Variants in CPT2 observed in about 807,000 individuals in gnomAD.
CPT2 encodes carnitine O-palmitoyltransferase 2, mitochondrial.
A neutral mutation model predicts 48.6 loss-of-function variants in CPT2; 37 were observed. That is an observed-to-expected ratio of 0.76 (90% CI 0.59 to 1.00). CPT2 has a LOEUF of 1.00. Among genes scored for constraint, CPT2 ranks in the 50% least tolerant of loss-of-function variants. CPT2 has a pLI of 0.00. For synonymous variants in CPT2, 319 were observed against 326.9 expected (o/e 0.98, Z 0.26); for missense variants, 772 against 825.6 (o/e 0.94, Z 0.80).
In CPT2 at chr1:53,209,995, T is replaced by G; in HGVS notation, c.341-20T>G. ...GACAGCATTAACATTTTATGTTATT[T>G]TTTTCTTTTTATTTTTTAGGACCCT... On this transcript the variant is annotated intron_variant, in intron 3 of 4. Transcript: ENST00000371486. The G allele has an allele frequency of 6.3e-7, 1 of 1,599,204 alleles. No individual in the cohort carries two copies. Among genetic ancestry groups the G allele is most frequent in the Non-Finnish European group, 8.6e-7 (1 of 1,166,852 alleles).
At chr1:53,209,817 T>C in intron 3 of CPT2, 198 bp from the exon 4 acceptor site, 1 of 611,536 alleles carries the variant, frequency 1.6e-6, no homozygotes, top group East Asian at 2.8e-5. Context: ...TGATAGAAGC[T>C]AAATGCAAAA....
intron 1 of CPT2, 120 bp from the exon 2 acceptor site, chr1:53,200,599 T>G (rs1645348337): frequency 7.3e-6 from 6 of 817,044 alleles, no homozygotes; most frequent in African/African-American, 1.7e-5. Flanking sequence ...TGTCAGTCGC[T>G]TCTGATTATT....
Position 53,211,046 on chromosome 1 carries a change from A to C in CPT2, c.1372A>C (p.Lys458Gln), listed in dbSNP as rs147276580. 1.6e-4 allele frequency: 265 copies of C among 1,614,204 alleles called. 1 individual carries two copies. In the African/African-American group the frequency reaches 2.6e-3, roughly 16 times the overall value. The change falls in exon 4 of 5, where the codon AAG becomes CAG. Residue 458 changes from lysine (K) to glutamine (Q), a missense_variant. Lys to Gln is a moderately conservative substitution (Grantham distance 53, BLOSUM62 1). Transcript: ENST00000371486. ...GAGAGGAGGCAAAGAATTCCTGAAGAAGCAAAAGCTGAGCCCTGACGCAGT... is the reference window on the plus strand; with the variant it reads ...GAGAGGAGGCAAAGAATTCCTGAAGCAGCAAAAGCTGAGCCCTGACGCAGT... Reference protein sequence around the residue: ...FQRGGKEFLKKQKLSPDAVAQ... With the variant: ...FQRGGKEFLKQQKLSPDAVAQ...
chr1:53,199,533 C>A (rs1287572185), intron 1 of CPT2, among the ~76,000 whole-genome samples: 1 of 152,126 alleles, frequency 6.6e-6, no homozygotes. Context: ...AATCAAATTG[C>A]CATTGTCTCT....
intron 2 of CPT2, 190 bp downstream of exon 2, chr1:53,200,989 C>A: frequency 1.5e-6 from 1 of 649,872 alleles, no homozygotes; most frequent in Non-Finnish European, 2.8e-6. Flanking sequence ...CCCGAGAGTT[C>A]CTCTAAACAG....
At position 53,210,488 on chromosome 1, in the gene CPT2, C is replaced by T; in HGVS notation, c.814C>T (p.His272Tyr). The T allele has an allele frequency of 6.2e-7, 1 of 1,614,110 alleles. No individual in the cohort carries two copies. The change falls in exon 4 of 5, where the codon CAT (histidine) becomes TAT (tyrosine). Residue 272 changes from histidine (H) to tyrosine (Y), a missense_variant. By Grantham distance (83) the His-to-Tyr change is moderately conservative (BLOSUM62 2). Coordinates refer to ENST00000371486, the MANE Select transcript of CPT2 (RefSeq NM_000098.3). ...NIVSPSEIQAHLKYILSDSSP... is the reference protein window; with the variant it reads ...NIVSPSEIQAYLKYILSDSSP... ...TGTGAGCCCCTCGGAAATCCAGGCA[C>T]ATCTGAAGTACATTCTCTCAGACAG...
At position 53,210,737 on chromosome 1, in the gene CPT2, T is replaced by G. The variant is rs766080131; in HGVS notation, c.1063T>G (p.Ser355Ala). ...TGGCACAAACCGCTGGTTTGATAAA[T>G]CCTTTAACCTCATTATCGCCAAGGA... is the stretch of plus-strand genomic sequence containing the variant. ...GDGTNRWFDKSFNLIIAKDGS... is the reference protein window; with the variant it reads ...GDGTNRWFDKAFNLIIAKDGS... The change falls in exon 4 of 5, where the codon TCC becomes GCC. Residue 355 changes from serine (S) to alanine (A), a missense_variant. Ser to Ala is a moderately conservative substitution (Grantham distance 99). Coordinates refer to ENST00000371486, the MANE Select transcript of CPT2 (RefSeq NM_000098.3). 1.2e-5 allele frequency: 20 copies of G among 1,614,034 alleles called. No homozygotes were observed. In the South Asian group the frequency reaches 2.2e-4, roughly 18 times the overall value.
chr1:53,204,423 T>C (rs769264412), intron 3 of CPT2: 6 of 152,166 alleles, frequency 3.9e-5, no homozygotes, highest in Non-Finnish European at 7.3e-5. Context: ...TTAAAAATAG[T>C]TTATCTCTGA....
At chr1:53,199,767 G>A (rs931468710) in intron 1 of CPT2, 2 of 152,072 alleles carry the variant, frequency 1.3e-5, no homozygotes, top group African/African-American at 4.8e-5. Context: ...GTAAATAATT[G>A]ATTTATTTTT....
rs1429653482 is a variant in CPT2 at position 53,211,316 on chromosome 1, A to G, written c.1642A>G (p.Met548Val). 6 of 1,601,714 alleles carry G rather than the reference A, an allele frequency of 3.7e-6. No homozygotes were observed. The highest frequency in any genetic ancestry group is 2.7e-5 in the African/African-American group (2 of 74,600). ...YHGQLTKEAA[M>V]GQGFDRHLFA... ...TGGCCAGCTGACCAAAGAAGCAGCA[A>G]TGGGTGAGGCAGGGGTGGGGAGCAT... Residue 548 changes from methionine (M) to valine (V), a missense_variant, in exon 4 of 5, where the codon ATG (methionine) becomes GTG (valine). Physicochemically the swap from Met to Val is conservative, Grantham distance 21. Coordinates refer to ENST00000371486, the MANE Select transcript of CPT2 (RefSeq NM_000098.3).
rs2100272068 is a variant in CPT2 at position 53,210,234 on chromosome 1, C to T, written c.560C>T (p.Thr187Ile). Residue 187 changes from threonine to isoleucine, a missense_variant, in exon 4 of 5, where the codon ACC becomes ATC. By Grantham distance (89) the Thr-to-Ile change is moderately conservative (BLOSUM62 -1). Transcript: ENST00000371486. ...AACCCTGCAAAAAGTGACACTATCA[C>T]CTTCAAGAGACTCATACGCTTTGTG... is the stretch of plus-strand genomic sequence containing the variant. ...HLNPAKSDTI[T>I]FKRLIRFVPS... 6.2e-7 allele frequency: 1 copy of T among 1,614,164 alleles called. No individual in the cohort carries two copies. The highest frequency in any genetic ancestry group is 1.1e-5 in the South Asian group (1 of 91,084).
chr1:53,210,449 C>T lies in CPT2; in HGVS notation c.775C>T (p.Gln259Ter), dbSNP rs1256449949. ...GNFYIFDVLD[Q>*]DGNIVSPSEI... The stretch of plus-strand genomic sequence containing the variant: ...TTTTTATATCTTTGATGTCCTGGAT[C>T]AAGATGGGAACATTGTGAGCCCCTC... Residue 259 changes from glutamine (Q) to a stop codon, truncating the protein, a stop_gained, in exon 4 of 5, where the codon CAA becomes TAA. Coordinates refer to ENST00000371486, the MANE Select transcript of CPT2 (RefSeq NM_000098.3). LOFTEE classifies it high-confidence loss of function. 1 of 1,614,138 alleles carries T rather than the reference C, an allele frequency of 6.2e-7. No individual in the cohort carries two copies.
At chr1:53,201,791 G>A (rs2100261173) in intron 2 of CPT2, 1 of 169,038 alleles carries the variant, frequency 5.9e-6, no homozygotes, top group Admixed American at 5.6e-5. Context: ...CATAATCTAG[G>A]CCTCTGTTTT....
intron 3 of CPT2, among the ~76,000 whole-genome samples, chr1:53,207,219 C>T (rs1645394773): frequency 6.6e-6 from 1 of 152,220 alleles, no homozygotes; most frequent in Non-Finnish European, 1.5e-5. Context: ...GTCAGTTAAG[C>T]TTCTCTTCTT....
chr1:53,198,812 C>T (rs896646538), intron 1 of CPT2, among the ~76,000 whole-genome samples: 9 of 152,212 alleles, frequency 5.9e-5, no homozygotes, highest in Non-Finnish European at 1.2e-4. Context: ...CTACGCATAA[C>T]CTTAAGCAAC....
intron 3 of CPT2, chr1:53,209,408 A>G (rs1211988003): frequency 6.4e-6 from 1 of 155,366 alleles, no homozygotes; most frequent in Non-Finnish European, 1.4e-5. Context: ...AAACAGTTCA[A>G]ATGTCCATTA....
Position 53,210,128 on chromosome 1 carries a change from G to A in CPT2, c.454G>A (p.Ala152Thr), listed in dbSNP as rs1283277240. 1 of 1,614,094 alleles carries A rather than the reference G, an allele frequency of 6.2e-7. No homozygotes were observed. The highest frequency in any genetic ancestry group is 2.2e-5 in the East Asian group (1 of 44,870). Residue 152 changes from alanine to threonine, a missense_variant, in exon 4 of 5, where the codon GCA becomes ACA. Ala to Thr is a moderately conservative substitution (Grantham distance 58, BLOSUM62 0). Coordinates refer to ENST00000371486, the MANE Select transcript of CPT2 (RefSeq NM_000098.3). ...TGAGTATAATGACCAGCTCACCCGG[G>A]CAACCAACATGACTGTTTCTGCCAT... ...KSEYNDQLTR[A>T]TNMTVSAIRF...
intron 1 of CPT2, chr1:53,200,430 A>C (rs1263077098): frequency 8.5e-6 from 3 of 351,260 alleles, no homozygotes; most frequent in East Asian, 1.3e-4. Context: ...ACCAGAAAAC[A>C]GGAATTCTTG....
intron 1 of CPT2, 140 bp downstream of exon 1, chr1:53,197,235 C>T: frequency 9.3e-7 from 1 of 1,077,240 alleles, no homozygotes; most frequent in Non-Finnish European, 1.4e-6. Context: ...AGCCCCTAAT[C>T]TGGAAGTCTT....
Sources: gnomAD v4.1 joint callset for allele counts (sites outside exome capture counted in the v4.1 genomes callset) on GRCh38, gnomAD v4.1.1 for gene constraint, MANE v1.5 for transcripts, NCBI Gene and HGNC (gene_info 2026-07-23, HGNC 2026-07-21) for gene names.